Variants in SDC2 observed in about 807,000 individuals in gnomAD.
SDC2 encodes syndecan-2.
SDC2 carries 13 observed loss-of-function variants against 22.2 expected under a neutral mutation model. The ratio of observed to expected loss-of-function variants is 0.59; its 90% CI spans 0.38 to 0.93. The LOEUF (loss-of-function observed/expected upper bound fraction) is 0.93. SDC2 is among the 40% of genes least tolerant of loss of function. The pLI, the probability that SDC2 is intolerant of heterozygous loss-of-function variation, is 0.00. For missense variants in SDC2, 235 were observed against 246.8 expected (o/e 0.95, Z 0.32); for synonymous variants, 94 against 92.8 (o/e 1.01, Z -0.07).
At chr8:96,569,475 C>T (rs1369883835) in intron 1 of SDC2, among the ~76,000 whole-genome samples, 1 of 152,168 alleles carries the variant, frequency 6.6e-6, no homozygotes, top group Non-Finnish European at 1.5e-5. Flanking sequence ...GCTCTTATCT[C>T]TCTCCTACCT....
chr8:96,512,513 G>T (rs1398018965), intron 1 of SDC2, among the ~76,000 whole-genome samples: 1 of 152,100 alleles, frequency 6.6e-6, no homozygotes, highest in Non-Finnish European at 1.5e-5. Flanking sequence ...CCCCCAAAGA[G>T]AACTGTTTAA....
chr8:96,573,540 G>C lies in SDC2; in HGVS notation c.61-19940G>C, dbSNP rs543267434. Among the ~76,000 whole-genome samples the C allele has an allele frequency of 6.6e-5, 10 of 152,190 alleles. No homozygotes were observed. The South Asian group carries it at 2.1e-3, about 32-fold the overall frequency. ...GACACACAATTGCTCTACGAGGACAGCAGCGACTATTGTCATTTAAAGAAA... is the reference window on the plus strand; with the variant it reads ...GACACACAATTGCTCTACGAGGACACCAGCGACTATTGTCATTTAAAGAAA... On this transcript the variant is annotated intron_variant, in intron 1 of 4. Coordinates refer to ENST00000302190, the MANE Select transcript of SDC2 (RefSeq NM_002998.4).
intron 1 of SDC2, among the ~76,000 whole-genome samples, chr8:96,583,390 A>ATG (rs1491431280): frequency 8.8e-4 from 27 of 30,752 alleles, no homozygotes; most frequent in South Asian, 3.5e-3. Context: ...TATATATGAC[A>ATG]TATGTGTGTG....
intron 1 of SDC2, chr8:96,585,163 A>G (rs1003213057): frequency 3.3e-5 from 5 of 152,218 alleles, no homozygotes; most frequent in African/African-American, 1.2e-4. Flanking sequence ...GTATTTTTAA[A>G]AAACGTATTG....
intron 1 of SDC2, among the ~76,000 whole-genome samples, chr8:96,519,042 C>T (rs1813453434): frequency 6.6e-6 from 1 of 152,150 alleles, no homozygotes; most frequent in South Asian, 2.1e-4. Context: ...AAAATCCATC[C>T]AGACACTCCC....
intron 1 of SDC2, among the ~76,000 whole-genome samples, chr8:96,519,791 G>A (rs747448116): frequency 2.2e-4 from 34 of 152,066 alleles, no homozygotes; most frequent in Middle Eastern, 3.4e-3. Context: ...GCACCTCCAC[G>A]CATGGCTCGG....
Position 96,508,907 on chromosome 8 carries a change from A to G in SDC2, c.60+14576A>G, listed in dbSNP as rs527272340. ...TGAAGTGTCTAATGGTTGCAGCCTC[A>G]AATCATGAAGTATCTAATGGATGGT... On this transcript the variant is annotated intron_variant, in intron 1 of 4. Coordinates refer to ENST00000302190, the MANE Select transcript of SDC2 (RefSeq NM_002998.4). Among the ~76,000 whole-genome samples, 38 of 142,412 alleles carry G rather than the reference A, an allele frequency of 2.7e-4. 5 individuals carry two copies. Among genetic ancestry groups the G allele is most frequent in the Non-Finnish European group, 5.0e-4 (31 of 62,418 alleles). The allele number at this position is 142,412 out of a possible 152,430, so 93.4% of individuals were successfully genotyped here.
intron 1 of SDC2, among the ~76,000 whole-genome samples, chr8:96,548,540 T>C (rs1271947403): frequency 6.6e-6 from 1 of 152,222 alleles, no homozygotes; most frequent in Non-Finnish European, 1.5e-5. Context: ...ATAGATGATA[T>C]GATTCATCTT....
intron 1 of SDC2, among the ~76,000 whole-genome samples, chr8:96,525,984 A>C (rs1813571319): frequency 1.3e-5 from 2 of 152,186 alleles, no homozygotes. Flanking sequence ...AAAAATGAAC[A>C]AAGTCAGTCC....
At chr8:96,587,588 A>G (rs774147573) in intron 1 of SDC2, among the ~76,000 whole-genome samples, 41 of 152,162 alleles carry the variant, frequency 2.7e-4, no homozygotes, top group Non-Finnish European at 4.3e-4. Context: ...ATTGGTGTAC[A>G]TGGCTCCAGG....
At chr8:96,566,697 TTTA>T (rs1190839072) in intron 1 of SDC2, among the ~76,000 whole-genome samples, 1 of 150,714 alleles carries the variant, frequency 6.6e-6, no homozygotes, top group African/African-American at 2.4e-5. Context: ...TTATATTTAT[TTTA>T]TTATTATTAA....
intron 1 of SDC2, among the ~76,000 whole-genome samples, chr8:96,515,861 G>A (rs1364096371): frequency 1.3e-5 from 2 of 152,238 alleles, no homozygotes; most frequent in Middle Eastern, 3.4e-3. Flanking sequence ...CCATGATTTT[G>A]ATGGCAAGAA....
intron 1 of SDC2, among the ~76,000 whole-genome samples, chr8:96,506,697 G>T (rs2439520): frequency 0.71 from 107,543 of 151,878 alleles, 38,313 homozygotes; most frequent in East Asian, 0.81. Context: ...GGACCTTATA[G>T]TAGGTGTTCA....
At chr8:96,499,884 A>G (rs1320697634) in intron 1 of SDC2, among the ~76,000 whole-genome samples, 2 of 152,094 alleles carry the variant, frequency 1.3e-5, no homozygotes, top group Non-Finnish European at 2.9e-5. Context: ...GGAAGAAACC[A>G]TGTTTCCAAA....
intron 1 of SDC2, among the ~76,000 whole-genome samples, chr8:96,588,003 C>CT (rs1052742487): frequency 1.3e-5 from 2 of 152,076 alleles, no homozygotes; most frequent in African/African-American, 2.4e-5. Context: ...TGAGCCAATG[C>CT]TTAATAAAAT....
intron 1 of SDC2, among the ~76,000 whole-genome samples, chr8:96,512,695 C>T (rs1382730160): frequency 2.0e-5 from 3 of 151,962 alleles, no homozygotes; most frequent in African/African-American, 7.3e-5. Flanking sequence ...ATTATTAGCA[C>T]GTGACATAAA....
intron 1 of SDC2, among the ~76,000 whole-genome samples, chr8:96,575,131 C>T (rs1814465771): frequency 6.6e-6 from 1 of 152,166 alleles, no homozygotes; most frequent in African/African-American, 2.4e-5. Flanking sequence ...CGGTATTGGT[C>T]TGTGGCCTGG....
chr8:96,601,566 G>A (rs557932744), intron 2 of SDC2, among the ~76,000 whole-genome samples: 6 of 147,308 alleles, frequency 4.1e-5, no homozygotes, highest in Non-Finnish European at 7.4e-5. Context: ...ACTTCAACCT[G>A]GAAGGCAGAG....
chr8:96,552,547 G>A (rs1221062192), intron 1 of SDC2, among the ~76,000 whole-genome samples: 1 of 152,082 alleles, frequency 6.6e-6, no homozygotes, highest in African/African-American at 2.4e-5. Context: ...GATAAGTGCC[G>A]CAAGTAAGGA....
Sources: gnomAD v4.1 joint callset for allele counts (sites outside exome capture counted in the v4.1 genomes callset) on GRCh38, gnomAD v4.1.1 for gene constraint, MANE v1.5 for transcripts, NCBI Gene and HGNC (gene_info 2026-07-23, HGNC 2026-07-21) for gene names.